The following RTN1 variants were observed in gnomAD, a reference collection of about 807,000 sequenced individuals.
RTN1 encodes the protein reticulon-1.
Under a neutral mutation model 65.5 loss-of-function variants are expected in RTN1, and 25 were observed. The ratio of observed to expected loss-of-function variants is 0.38; its 90% confidence interval spans 0.28 to 0.53. RTN1 has a LOEUF of 0.53. RTN1 is among the 20% of genes least tolerant of loss of function. The pLI, the probability that RTN1 is intolerant of heterozygous loss-of-function variation, is 0.79. For missense variants in RTN1, 983 were observed against 1,025.4 expected, an observed-to-expected ratio of 0.96 and a Z score of 0.57; for synonymous variants, 471 against 447.6, an observed-to-expected ratio of 1.05 and a Z score of -0.66.
At chr14:59,671,388 A>C (rs1403232265) in intron 3 of RTN1, among the ~76,000 whole-genome samples, 1 of 152,246 alleles carries the variant, frequency 6.6e-6, no homozygotes, top group African/African-American at 2.4e-5. Context: ...TGGAAGGAAG[A>C]TTACTTGTAA....
intron 1 of RTN1, among the ~76,000 whole-genome samples, chr14:59,848,962 G>GA (rs202152063): frequency 0.059 from 8,926 of 152,152 alleles, 372 homozygotes; most frequent in Middle Eastern, 0.092. Context: ...CCCCCGGGAA[G>GA]AATATGTGGT....
intron 3 of RTN1, among the ~76,000 whole-genome samples, chr14:59,680,188 G>GA (rs749010989): frequency 3.3e-5 from 5 of 152,142 alleles, no homozygotes; most frequent in East Asian, 1.9e-4. Flanking sequence ...TTGCTCTGGG[G>GA]AAAAAATGGG....
chr14:59,845,700 G>A (rs1244377542), intron 1 of RTN1, among the ~76,000 whole-genome samples: 1 of 152,120 alleles, frequency 6.6e-6, no homozygotes, highest in East Asian at 1.9e-4. Flanking sequence ...CCCTTCCCCA[G>A]GAAAATCTTG....
chr14:59,687,783 C>T (rs1051666382), intron 3 of RTN1, among the ~76,000 whole-genome samples: 15 of 151,948 alleles, frequency 9.9e-5, no homozygotes, highest in African/African-American at 2.7e-4. Context: ...GTCCTCTTCA[C>T]TTCATGCCCA....
rs376088516 is a variant in RTN1, at chr14:59,672,203, A to G, written c.1765+54716T>C. Among the ~76,000 whole-genome samples the G allele has an allele frequency of 6.6e-5, 10 of 152,182 alleles. No individual in the cohort carries two copies. The East Asian group carries it at 1.9e-3, about 29-fold the overall frequency. On this transcript the variant is annotated intron_variant, in intron 3 of 8. Transcript: ENST00000267484. ...CTCAGGTTTGTCACCAGGAAAAATGAGACACTTGCTCACAACACATATGTA... is the reference window on the plus strand; with the variant it reads ...CTCAGGTTTGTCACCAGGAAAAATGGGACACTTGCTCACAACACATATGTA...
chr14:59,756,264 G>A (rs1885634436), intron 1 of RTN1, among the ~76,000 whole-genome samples: 1 of 152,192 alleles, frequency 6.6e-6, no homozygotes, highest in African/African-American at 2.4e-5. Context: ...ATGTGGTTCT[G>A]TGGTCTTCTT....
At chr14:59,660,000 C>G (rs1883210588) in intron 3 of RTN1, among the ~76,000 whole-genome samples, 1 of 152,074 alleles carries the variant, frequency 6.6e-6, no homozygotes, top group Admixed American at 6.5e-5. Context: ...AGACTCATCT[C>G]ACATGCAAAG....
chr14:59,764,323 C>G (rs1885807427), intron 1 of RTN1, among the ~76,000 whole-genome samples: 1 of 144,236 alleles, frequency 6.9e-6, no homozygotes, highest in Non-Finnish European at 1.5e-5. Flanking sequence ...TGAAGTGCTA[C>G]TTTTTTTTTT....
At chr14:59,718,461 T>C (rs1884583153) in intron 3 of RTN1, among the ~76,000 whole-genome samples, 1 of 152,220 alleles carries the variant, frequency 6.6e-6, no homozygotes, top group Admixed American at 6.5e-5. Context: ...TGTGATTTCT[T>C]GGCCCTAGGC....
rs930603231 is a variant in RTN1, at chr14:59,849,826, T to C, written c.241+20564A>G. Among the ~76,000 whole-genome samples, 1 of 152,204 alleles carries C rather than the reference T, an allele frequency of 6.6e-6. No individual in the cohort carries two copies. Among genetic ancestry groups the C allele is most frequent in the Non-Finnish European group, 1.5e-5 (1 of 68,034 alleles). On this transcript the variant is annotated intron_variant, in intron 1 of 8. Transcript: ENST00000267484. This position sits in a 1 kb window ranked among gnomAD's most constrained non-coding sequence, Gnocchi z 4.5. ...GTTCTAGAATTTAGCCAAGTCTTCTTAACTACTTCTCTTTTCCTCTTCTTC... is the reference window on the plus strand; with the variant it reads ...GTTCTAGAATTTAGCCAAGTCTTCTCAACTACTTCTCTTTTCCTCTTCTTC...
chr14:59,710,899 C>T (rs902707458), intron 3 of RTN1, among the ~76,000 whole-genome samples: 1 of 152,222 alleles, frequency 6.6e-6, no homozygotes, highest in Non-Finnish European at 1.5e-5. Flanking sequence ...TTCTACCAAC[C>T]TAACCACCTT....
In RTN1 at chr14:59,825,006, T is replaced by C. The variant is rs1416905485; in HGVS notation, c.241+45384A>G. 1.3e-5 allele frequency among the ~76,000 whole-genome samples: 2 copies of C among 152,152 alleles called. No homozygotes were observed. Among genetic ancestry groups the C allele is most frequent in the Non-Finnish European group, 2.9e-5 (2 of 68,008 alleles). On this transcript the variant is annotated intron_variant, in intron 1 of 8. Transcript: ENST00000267484. The surrounding 1 kb of genome is among the most constrained non-coding windows in gnomAD (Gnocchi z 4.2). The stretch of plus-strand genomic sequence containing the variant: ...CTGGGGGAGCGAGGAAATGGAGAGA[T>C]GCTGGTCAAAGGGTAAAAACTTTCA...
rs1885982011 is a variant in RTN1, at chr14:59,772,714, C to T, written c.242-26233G>A. On this transcript the variant is annotated intron_variant, in intron 1 of 8. Coordinates refer to ENST00000267484, the MANE Select transcript of RTN1 (RefSeq NM_021136.3). ...CTCATTCCCCAAGATGAACGAGGCT[C>T]ATAGTCTTTGTCCTTTATTGTTTAG... Among the ~76,000 whole-genome samples, 3 of 152,086 alleles carry T rather than the reference C, an allele frequency of 2.0e-5. No individual in the cohort carries two copies. In the South Asian group the frequency reaches 6.2e-4, roughly 32 times the overall value.
rs531807958 is a variant in RTN1 at position 59,825,302 on chromosome 14, C to G, written c.241+45088G>C. 6.6e-6 allele frequency among the ~76,000 whole-genome samples: 1 copy of G among 152,350 alleles called. No individual in the cohort carries two copies. Among genetic ancestry groups the G allele is most frequent in the South Asian group, 2.1e-4 (1 of 4,828 alleles). On this transcript the variant is annotated intron_variant, in intron 1 of 8. Transcript: ENST00000267484. This position sits in a 1 kb window ranked among gnomAD's most constrained non-coding sequence, Gnocchi z 4.2. ...AGAACCTTAGCTCACCATCTTGTAT[C>G]TGACCTCTGGGTTACCTGGTCTATG...
At chr14:59,648,480 C>T (rs1882949816) in intron 3 of RTN1, among the ~76,000 whole-genome samples, 1 of 152,088 alleles carries the variant, frequency 6.6e-6, no homozygotes, top group Admixed American at 6.5e-5. Context: ...CTGGCAGAGA[C>T]ACAACAAAGA....
chr14:59,663,536 T>A (rs1207523042), intron 3 of RTN1, among the ~76,000 whole-genome samples: 1 of 152,112 alleles, frequency 6.6e-6, no homozygotes, highest in Admixed American at 6.5e-5. Context: ...ATCATCAGTG[T>A]GAACAGGCAA....
intron 8 of RTN1, among the ~76,000 whole-genome samples, chr14:59,599,823 T>C (rs1881523978): frequency 6.6e-6 from 1 of 152,224 alleles, no homozygotes. Context: ...TTGAAGATCG[T>C]GACAGCTCCT....
intron 3 of RTN1, among the ~76,000 whole-genome samples, chr14:59,664,641 T>C (rs1594663793): frequency 6.6e-6 from 1 of 152,210 alleles, no homozygotes; most frequent in Non-Finnish European, 1.5e-5. Context: ...TTCTGTATCA[T>C]ATGATGTTTT....
intron 1 of RTN1, among the ~76,000 whole-genome samples, chr14:59,810,266 T>C (rs965086582): frequency 2.0e-5 from 3 of 152,194 alleles, no homozygotes; most frequent in Admixed American, 6.5e-5. Flanking sequence ...GGTTCACTAG[T>C]ACCCTCTTAG....
Sources: allele counts gnomAD v4.1 joint callset (sites outside exome capture counted in the v4.1 genomes callset), GRCh38; gene constraint gnomAD v4.1.1; non-coding constraint Gnocchi (gnomAD v3.1); transcripts MANE v1.5; gene names NCBI Gene and HGNC (gene_info 2026-07-23, HGNC 2026-07-21).